PPP2R2C: variants seen among roughly 807,000 people sequenced by gnomAD.
PPP2R2C encodes protein phosphatase 2, regulatory subunit B, gamma.
PPP2R2C carries 10 observed loss-of-function variants against 45.3 expected under a neutral mutation model. The ratio of observed to expected loss-of-function variants is 0.22; its 90% CI spans 0.14 to 0.37. The LOEUF is 0.37. Ranked by LOEUF, PPP2R2C falls within the 10% of genes least tolerant of loss-of-function variation. The pLI, the probability that PPP2R2C is intolerant of heterozygous loss-of-function variation, is 1.00. For missense variants in PPP2R2C, 308 were observed against 619.7 expected, an observed-to-expected ratio of 0.50 and a Z score of 5.34; for synonymous variants, 257 against 245.4, an observed-to-expected ratio of 1.05 and a Z score of -0.44.
chr4:6,503,348 T>G (rs1723120493), intron 2 of PPP2R2C, among the ~76,000 whole-genome samples: 1 of 152,172 alleles, frequency 6.6e-6, no homozygotes, highest in African/African-American at 2.4e-5. Context: ...TCCCTTGATA[T>G]TCCTTCTTAG....
chr4:6,511,228 T>C (rs1723442457), intron 2 of PPP2R2C, among the ~76,000 whole-genome samples: 2 of 151,524 alleles, frequency 1.3e-5, no homozygotes, highest in Admixed American at 6.6e-5. Context: ...TCAGTACATG[T>C]TAGTCGTTCC....
chr4:6,535,172 C>T, intron 2 of PPP2R2C: 1 of 1,364,050 alleles, frequency 7.3e-7, no homozygotes, highest in Non-Finnish European at 1.0e-6. Flanking sequence ...GGTCGGCTTC[C>T]CGCTGTCAGG....
At chr4:6,405,184 A>G (rs1717713061) in intron 1 of PPP2R2C, among the ~76,000 whole-genome samples, 2 of 152,118 alleles carry the variant, frequency 1.3e-5, no homozygotes, top group South Asian at 2.1e-4. Flanking sequence ...CTGCTATTAT[A>G]TTAGTCTCCC....
intron 6 of PPP2R2C, among the ~76,000 whole-genome samples, chr4:6,342,297 C>T (rs183268617): frequency 1.3e-5 from 2 of 152,228 alleles, no homozygotes; most frequent in Admixed American, 1.3e-4. Flanking sequence ...TTGAGGGAGT[C>T]AAAAGTTAAG....
Position 6,378,495 on chromosome 4 carries a change from A to G in PPP2R2C, c.246T>C (p.Tyr82=). 2 of 1,614,062 alleles carry G rather than the reference A, an allele frequency of 1.2e-6. No individual in the cohort carries two copies. Among genetic ancestry groups the G allele is most frequent in the South Asian group, 2.2e-5 (2 of 91,072 alleles). ...TFQSHEPEFD[Y]LKSLEIEEKI... is the part of the protein sequence containing the mutation. ...TCTCCTCTATCTCCAGGCTCTTGAG[A>G]TAGTCAAACTCCGGCTCGTGGCTCT... is the stretch of plus-strand genomic sequence containing the variant. The change falls in exon 3 of 9, where the codon TAT becomes TAC. Residue 82 remains tyrosine, a synonymous_variant. Transcript: ENST00000382599. This position sits in a 1 kb window ranked among gnomAD's most constrained non-coding sequence, Gnocchi z 5.2.
intron 1 of PPP2R2C, among the ~76,000 whole-genome samples, chr4:6,412,643 G>A (rs1309462098): frequency 1.3e-5 from 2 of 152,186 alleles, no homozygotes; most frequent in African/African-American, 4.8e-5. Context: ...TTATGAATCC[G>A]GCAGCACCCT....
intron 1 of PPP2R2C, among the ~76,000 whole-genome samples, chr4:6,400,338 A>T (rs370334767): frequency 4.8e-5 from 7 of 144,480 alleles, no homozygotes; most frequent in African/African-American, 1.5e-4. Context: ...AAAACAAAAC[A>T]CAGTTATTTT....
At chr4:6,439,721 C>T (rs921630321) in intron 1 of PPP2R2C, among the ~76,000 whole-genome samples, 2 of 152,192 alleles carry the variant, frequency 1.3e-5, no homozygotes, top group African/African-American at 2.4e-5. Context: ...CCACATCACA[C>T]TCAGACATAC....
intron 1 of PPP2R2C, among the ~76,000 whole-genome samples, chr4:6,444,593 C>T (rs1252751259): frequency 3.3e-5 from 5 of 152,132 alleles, no homozygotes; most frequent in Admixed American, 3.3e-4. Flanking sequence ...TTTTCCCTAC[C>T]CCACCACTTC....
chr4:6,349,984 G>A (rs960838082), intron 5 of PPP2R2C: 9 of 985,352 alleles, frequency 9.1e-6, no homozygotes, highest in Non-Finnish European at 1.1e-5. Context: ...CAGTCAGAAA[G>A]CACCTAAAAG....
chr4:6,421,105 C>G (rs954468733), intron 1 of PPP2R2C: 1 of 985,132 alleles, frequency 1.0e-6, no homozygotes, highest in Admixed American at 6.2e-5. Context: ...CTCTCTGTTT[C>G]CCCCAAAACA....
intron 8 of PPP2R2C, among the ~76,000 whole-genome samples, chr4:6,323,931 A>G (rs1359879621): frequency 2.0e-5 from 3 of 152,096 alleles, no homozygotes; most frequent in African/African-American, 7.2e-5. Flanking sequence ...GTGACAGAGT[A>G]AAACTCTGTC....
At position 6,381,022 on chromosome 4, in the gene PPP2R2C, AC is replaced by A. The variant is rs1351262389; in HGVS notation, c.142del (p.Val48SerfsTer41). ...CTCTGGTTCCCGCTGGAAGATGACG[AC>A]CCGGCCGCCCTTGTCACCTGTGGCC... is the stretch of plus-strand genomic sequence containing the variant. ...LLATGDKGGR[V>X]VIFQREPESK... On this transcript the variant is annotated frameshift_variant, in exon 2 of 9. Transcript: ENST00000382599. LOFTEE classifies it high-confidence loss of function. 1 of 1,551,008 alleles carries A rather than the reference AC, an allele frequency of 6.4e-7. No individual in the cohort carries two copies. Among genetic ancestry groups the A allele is most frequent in the Admixed American group, 1.8e-5 (1 of 55,760 alleles).
At chr4:6,425,394 G>C (rs1254381159) in intron 1 of PPP2R2C, among the ~76,000 whole-genome samples, 3 of 152,224 alleles carry the variant, frequency 2.0e-5, no homozygotes, top group Non-Finnish European at 4.4e-5. Flanking sequence ...CCTCACTGCA[G>C]AGTCAACACC....
chr4:6,396,784 G>T (rs893383285), intron 1 of PPP2R2C, among the ~76,000 whole-genome samples: 9 of 152,260 alleles, frequency 5.9e-5, no homozygotes, highest in African/African-American at 2.2e-4. Context: ...GGCTGGGAGG[G>T]GGTAGAGAGA....
intron 2 of PPP2R2C, among the ~76,000 whole-genome samples, chr4:6,481,289 T>TATGTTTTAGG (rs1722339549): frequency 6.6e-6 from 1 of 152,246 alleles, no homozygotes; most frequent in Admixed American, 6.5e-5. Flanking sequence ...GTCCTTCCTT[T>TATGTTTTAGG]ATGTTTTAGG....
At chr4:6,556,736 C>T (rs1383936869) in intron 1 of PPP2R2C, among the ~76,000 whole-genome samples, 1 of 135,978 alleles carries the variant, frequency 7.4e-6, no homozygotes, top group Non-Finnish European at 1.6e-5. Context: ...TGTGGTTCCT[C>T]CCCAGCAACA....
At chr4:6,431,091 G>T (rs1211174551) in intron 1 of PPP2R2C, among the ~76,000 whole-genome samples, 3 of 152,218 alleles carry the variant, frequency 2.0e-5, no homozygotes, top group Admixed American at 6.5e-5. Context: ...TGACAGAGAT[G>T]GTTCTGCCTG....
At chr4:6,514,301 C>A (rs1470137728) in intron 2 of PPP2R2C, among the ~76,000 whole-genome samples, 2 of 152,134 alleles carry the variant, frequency 1.3e-5, no homozygotes, top group Non-Finnish European at 2.9e-5. Context: ...TGGTTCAATT[C>A]AAGTAGCATT....
Sources: gnomAD v4.1 joint callset for allele counts (sites outside exome capture counted in the v4.1 genomes callset) on GRCh38, gnomAD v4.1.1 for gene constraint, Gnocchi (gnomAD v3.1) non-coding constraint, MANE v1.5 for transcripts, NCBI Gene and HGNC (gene_info 2026-07-23, HGNC 2026-07-21) for gene names.